Variants in CDH8 observed in about 807,000 individuals in gnomAD.
CDH8 encodes cadherin 8, also known as cadherin-8.
A neutral mutation model predicts 68.1 loss-of-function variants in CDH8; 17 were observed. The observed-to-expected ratio is 0.25, with a 90% CI of 0.17 to 0.37. The LOEUF (loss-of-function observed/expected upper bound fraction) is 0.37, where lower values mean the gene tolerates loss of function less well. Ranked by LOEUF, CDH8 falls within the 10% of genes least tolerant of loss-of-function variation. CDH8 has a pLI of 1.00. For synonymous variants in CDH8, 372 were observed against 365.1 expected (o/e 1.02, Z -0.21); for missense variants, 763 against 999.3 (o/e 0.76, Z 3.19).
Position 61,958,299 on chromosome 16 carries a change from G to A in CDH8, c.253-56826C>T, listed in dbSNP as rs186694344. 3.9e-5 allele frequency among the ~76,000 whole-genome samples: 6 copies of A among 152,304 alleles called. No homozygotes were observed. In the East Asian group the frequency reaches 1.2e-3, roughly 29 times the overall value. ...CAGTCAAAAGAAAAGCAAGCATGCA[G>A]CCTTGAAGTCATGATTGTTCTTTGA... On this transcript the variant is annotated intron_variant, in intron 2 of 11. Coordinates refer to ENST00000577390, the MANE Select transcript of CDH8 (RefSeq NM_001796.5).
At chr16:61,910,571 A>G (rs919399541) in intron 2 of CDH8, among the ~76,000 whole-genome samples, 4 of 152,158 alleles carry the variant, frequency 2.6e-5, no homozygotes, top group Non-Finnish European at 5.9e-5. Context: ...CCTCTCCAAG[A>G]CTAGTTTCCT....
At chr16:61,692,921 G>A (rs537486491) in intron 10 of CDH8, 1 of 152,216 alleles carries the variant, frequency 6.6e-6, no homozygotes, top group South Asian at 2.1e-4. Flanking sequence ...TGGCAAAGTG[G>A]TCAACTGAGT....
At chr16:61,822,312 T>TAAACTTAC (rs889010515) in intron 5 of CDH8, among the ~76,000 whole-genome samples, 7 of 142,318 alleles carry the variant, frequency 4.9e-5, no homozygotes, top group Non-Finnish European at 9.1e-5. Context: ...ATCTCCGAGT[T>TAAACTTAC]AAACTTACAA....
intron 8 of CDH8, among the ~76,000 whole-genome samples, chr16:61,772,000 C>G (rs1054075393): frequency 6.6e-6 from 1 of 151,896 alleles, no homozygotes. Flanking sequence ...AGCATCATTC[C>G]AGGCTTATTT....
chr16:61,781,924 G>C (rs564679074), intron 8 of CDH8, among the ~76,000 whole-genome samples: 8 of 152,280 alleles, frequency 5.3e-5, no homozygotes, highest in African/African-American at 1.7e-4. Context: ...TAAGACACTA[G>C]GGAAGAAAAT....
At position 62,021,514 on chromosome 16, in the gene CDH8, G is replaced by A; in HGVS notation, c.-111C>T. The A allele has an allele frequency of 6.7e-7, 1 of 1,494,806 alleles. No homozygotes were observed. Among genetic ancestry groups the A allele is most frequent in the Non-Finnish European group, 8.9e-7 (1 of 1,127,718 alleles). 92.6% of individuals were successfully genotyped at this position (1,494,806 alleles called of 1,614,324 possible). On this transcript the variant is annotated 5_prime_UTR_variant, in exon 2 of 12. An upstream open reading frame in the 5' UTR gains an earlier in-frame stop. Transcript: ENST00000577390. ...GTGCCGAGCATTTACTTACAGCTCT[G>A]CCACGTGTCTATAGCACGGGAAACA...
intron 2 of CDH8, among the ~76,000 whole-genome samples, chr16:61,908,954 A>T (rs1397125): frequency 0.24 from 35,754 of 152,016 alleles, 5,167 homozygotes; most frequent in African/African-American, 0.41. Flanking sequence ...CTGTGAAATA[A>T]AAACACTTCT....
intron 8 of CDH8, among the ~76,000 whole-genome samples, chr16:61,739,915 A>ATATATATATATATATATATT (rs373723105): frequency 9.1e-6 from 1 of 109,580 alleles, no homozygotes; most frequent in Non-Finnish European, 1.8e-5. Flanking sequence ...ATATATATGT[A>ATATATATATATATATATATT]TTTTTTTTTT....
intron 5 of CDH8, among the ~76,000 whole-genome samples, chr16:61,824,438 A>C (rs768067132): frequency 8.6e-5 from 13 of 151,904 alleles, no homozygotes; most frequent in Non-Finnish European, 1.8e-4. Flanking sequence ...GTTCGATGAG[A>C]GTAAAGAAAG....
rs772381593 is a variant in CDH8, at chr16:61,653,612, GTTTC to G, written c.2392_2395del (p.Glu798LeufsTer6). ...TGATTTATTTATAATCCACTGTCAAGTTTCTTTGTCACTTTCACCAACAGAGTAG... is the reference window on the plus strand; with the variant it reads ...TGATTTATTTATAATCCACTGTCAAGTTTGTCACTTTCACCAACAGAGTAG... On this transcript the variant is annotated frameshift_variant, in exon 12 of 12. Coordinates refer to ENST00000577390, the MANE Select transcript of CDH8 (RefSeq NM_001796.5). LOFTEE classifies it high-confidence loss of function. 1.2e-6 allele frequency: 2 copies of G among 1,606,734 alleles called. No homozygotes were observed. Among genetic ancestry groups the G allele is most frequent in the South Asian group, 2.2e-5 (2 of 90,044 alleles).
chr16:61,680,144 TAC>T (rs1963986600), intron 10 of CDH8, among the ~76,000 whole-genome samples: 1 of 151,938 alleles, frequency 6.6e-6, no homozygotes, highest in Non-Finnish European at 1.5e-5. Flanking sequence ...TTCTCCTCAC[TAC>T]ATCCTGAGAT....
At chr16:61,791,483 G>A (rs1014744712) in intron 7 of CDH8, among the ~76,000 whole-genome samples, 89 of 151,988 alleles carry the variant, frequency 5.9e-4, no homozygotes, top group Non-Finnish European at 6.0e-4. Flanking sequence ...GCTAAAAAAT[G>A]TCCAGAGGAT....
chr16:61,692,883 T>C (rs754868162), intron 10 of CDH8: 2 of 152,124 alleles, frequency 1.3e-5, no homozygotes, highest in Non-Finnish European at 2.9e-5. Context: ...TAATGTAGTA[T>C]AATGGTGACA....
intron 4 of CDH8, 36 bp downstream of exon 4, chr16:61,857,083 A>C (rs1480535530): frequency 1.2e-5 from 20 of 1,611,340 alleles, no homozygotes; most frequent in Non-Finnish European, 1.6e-5. Context: ...TGAAGCAAAA[A>C]CATGGCAAAT....
intron 9 of CDH8, 139 bp from the exon 10 acceptor site, chr16:61,714,097 G>A (rs775840031): frequency 2.4e-4 from 165 of 682,668 alleles, no homozygotes; most frequent in Non-Finnish European, 4.1e-4. Flanking sequence ...TGTCATGGAT[G>A]GTTTGTGCCA....
intron 10 of CDH8, among the ~76,000 whole-genome samples, chr16:61,684,516 A>G (rs1178566038): frequency 6.6e-6 from 1 of 152,042 alleles, no homozygotes; most frequent in East Asian, 1.9e-4. Flanking sequence ...CACATATTTC[A>G]TTAATTATAA....
intron 10 of CDH8, among the ~76,000 whole-genome samples, chr16:61,663,126 C>T (rs1963601339): frequency 6.6e-6 from 1 of 151,862 alleles, no homozygotes; most frequent in Admixed American, 6.6e-5. Context: ...TTTCCTTCTC[C>T]TTGGCTGAGA....
chr16:61,713,306 A>G (rs1301249229), intron 10 of CDH8, among the ~76,000 whole-genome samples: 2 of 151,708 alleles, frequency 1.3e-5, no homozygotes, highest in Non-Finnish European at 3.0e-5. Context: ...TTAACAATAA[A>G]TCAGTTCATA....
intron 2 of CDH8, among the ~76,000 whole-genome samples, chr16:61,904,519 C>T (rs1964031462): frequency 6.6e-6 from 1 of 152,150 alleles, no homozygotes; most frequent in Admixed American, 6.5e-5. Flanking sequence ...GATGAGCGAA[C>T]ATTACTGCTT....
Sources: gnomAD v4.1 joint callset for allele counts (sites outside exome capture counted in the v4.1 genomes callset) on GRCh38, gnomAD v4.1.1 for gene constraint, MANE v1.5 for transcripts, NCBI Gene and HGNC (gene_info 2026-07-23, HGNC 2026-07-21) for gene names.